The following DMD variants were observed in gnomAD, a reference collection of about 807,000 sequenced individuals.
DMD encodes mutant dystrophin.
In DMD, 63 loss-of-function variants were observed where a neutral mutation model predicts 330.1. That is an observed-to-expected ratio of 0.19 (90% CI 0.16 to 0.24). The LOEUF (loss-of-function observed/expected upper bound fraction) is 0.24. DMD is among the 10% of genes least tolerant of loss of function. The pLI, the probability that DMD is intolerant of heterozygous loss-of-function variation, is 1.00. For synonymous variants in DMD, 1,223 were observed against 959.8 expected (o/e 1.27, Z -5.07); for missense variants, 3,344 against 2,684.1 (o/e 1.25, Z -5.43).
intron 44 of DMD, among the ~76,000 whole-genome samples, chrX:31,972,392 A>AT (rs1441450973): frequency 2.7e-5 from 3 of 111,664 alleles, no homozygotes; most frequent in African/African-American, 9.7e-5. Flanking sequence ...CTATGAAAAC[A>AT]TTACGTACAT....
chrX:32,322,225 A>T (rs1158537615), intron 41 of DMD, among the ~76,000 whole-genome samples: 1 of 111,585 alleles, frequency 9.0e-6, no homozygotes, highest in African/African-American at 3.3e-5. Context: ...GAGCTAAAGA[A>T]GTTATTAATA....
intron 16 of DMD, among the ~76,000 whole-genome samples, chrX:32,546,359 G>A (rs1004645941): frequency 9.2e-6 from 1 of 109,165 alleles, no homozygotes; most frequent in Non-Finnish European, 1.9e-5. Context: ...CTGGTTACAA[G>A]CAAAGGAGCA....
At chrX:32,703,988 C>T (rs1241083006) in intron 7 of DMD, among the ~76,000 whole-genome samples, 1 of 111,449 alleles carries the variant, frequency 9.0e-6, no homozygotes, top group Non-Finnish European at 1.9e-5. Context: ...ATTGCTTATC[C>T]AATCTTTGAA....
chrX:32,288,849 T>G, intron 42 of DMD, among the ~76,000 whole-genome samples: 1 of 111,791 alleles, frequency 8.9e-6, no homozygotes, highest in Non-Finnish European at 1.9e-5. Flanking sequence ...CAGCTGTTTT[T>G]GAGTTTTTTC....
At chrX:32,305,211 G>C (rs2097536093) in intron 42 of DMD, among the ~76,000 whole-genome samples, 1 of 111,231 alleles carries the variant, frequency 9.0e-6, no homozygotes, top group Admixed American at 9.6e-5. Context: ...GCATAATTTT[G>C]CCTTCATTTA....
chrX:32,640,648 G>A (rs2059390033), intron 11 of DMD, among the ~76,000 whole-genome samples: 2 of 110,927 alleles, frequency 1.8e-5, no homozygotes, highest in Admixed American at 1.9e-4. Flanking sequence ...ACTAAACAGA[G>A]AAGTGGTTTT....
At chrX:31,721,668 ATCTCTCTCTCTCTCTCACTC>A (rs1343981178) in intron 52 of DMD, among the ~76,000 whole-genome samples, 3,611 of 31,746 alleles carry the variant, frequency 0.11, 94 homozygotes, top group Non-Finnish European at 0.13. Context: ...ATTATTACCA[ATCTCTCTCTCTCTCTCACTC>A]TCTCTCTCTC....
intron 44 of DMD, among the ~76,000 whole-genome samples, chrX:32,196,751 C>G (rs1292286774): frequency 9.1e-6 from 1 of 110,037 alleles, no homozygotes; most frequent in Non-Finnish European, 1.9e-5. Flanking sequence ...TTTGGGAGGC[C>G]AAGGTGGGCA....
intron 3 of DMD, among the ~76,000 whole-genome samples, chrX:32,845,602 CT>C (rs1471937776): frequency 2.7e-5 from 3 of 111,338 alleles, no homozygotes; most frequent in Non-Finnish European, 3.8e-5. Context: ...TTTTTTCATC[CT>C]TCCTTCATAC....
At chrX:31,212,783 G>T (rs1321822452) in intron 64 of DMD, among the ~76,000 whole-genome samples, 1 of 111,450 alleles carries the variant, frequency 9.0e-6, no homozygotes, top group Non-Finnish European at 1.9e-5. Context: ...GGTACATATT[G>T]TAAGGGGGAA....
chrX:31,372,050 A>G (rs1324419566), intron 60 of DMD, among the ~76,000 whole-genome samples: 1 of 111,924 alleles, frequency 8.9e-6, no homozygotes, highest in African/African-American at 3.2e-5. Flanking sequence ...GCAGAGTCTC[A>G]TCTGGCATAT....
At chrX:32,608,939 G>C (rs2056947986) in intron 12 of DMD, among the ~76,000 whole-genome samples, 1 of 110,745 alleles carries the variant, frequency 9.0e-6, no homozygotes, top group East Asian at 2.8e-4. Context: ...ATGAGAGTGA[G>C]TTTGCTAACC....
At position 33,104,674 on chromosome X, in the gene DMD, C is replaced by T. The variant is rs950256710; in HGVS notation, c.32-84474G>A. Among the ~76,000 whole-genome samples the T allele has an allele frequency of 4.5e-5, 5 of 112,112 alleles. No individual in the cohort carries two copies. The East Asian group carries it at 1.4e-3, about 32-fold the overall frequency. On this transcript the variant is annotated intron_variant, in intron 1 of 78. Transcript: ENST00000357033. ...AACAGCTTTATGGCTCACACAAAGC[C>T]TGTTTGGTGGTCTCTTCACACGGAC...
In DMD at chrX:31,120,861, G is replaced by C. The variant is rs1193614827; in HGVS notation, c.*1058C>G. The C allele has an allele frequency of 2.1e-5, 2 of 94,054 alleles. No individual in the cohort carries two copies. The highest frequency in any genetic ancestry group is 1.1e-4 in the African/African-American group (2 of 18,439). 7.8% of individuals were successfully genotyped at this position (94,054 alleles called of 1,213,427 possible). On this transcript the variant is annotated 3_prime_UTR_variant, in exon 79 of 79. Coordinates refer to ENST00000357033, the MANE Select transcript of DMD (RefSeq NM_004006.3). ...GTGGCATTGCTAGCAGCAGGAAGCT[G>C]AATGTATCAATCAATCAATCAATCA...
At chrX:32,463,259 A>AAT (rs1271038712) in intron 25 of DMD, among the ~76,000 whole-genome samples, 180 bp downstream of exon 25, 4 of 112,219 alleles carry the variant, frequency 3.6e-5, no homozygotes, top group South Asian at 7.2e-4. Context: ...TACTATTTAA[A>AAT]ATATATACCA....
intron 44 of DMD, among the ~76,000 whole-genome samples, chrX:32,088,398 G>T (rs6631487): frequency 0.22 from 23,305 of 108,121 alleles, 1,937 homozygotes; most frequent in Admixed American, 0.36. Flanking sequence ...ATCTCAGATA[G>T]TTTCTCAAAT....
intron 52 of DMD, among the ~76,000 whole-genome samples, chrX:31,687,895 A>G (rs918579306): frequency 9.0e-6 from 1 of 111,218 alleles, no homozygotes; most frequent in African/African-American, 3.3e-5. Context: ...GGTGTTCTAT[A>G]ACTTTGTCGT....
intron 44 of DMD, among the ~76,000 whole-genome samples, chrX:31,975,972 C>A (rs1256492162): frequency 9.0e-6 from 1 of 111,388 alleles, no homozygotes; most frequent in Non-Finnish European, 1.9e-5. Context: ...ATTTGCCATG[C>A]CTATATTTTC....
intron 44 of DMD, among the ~76,000 whole-genome samples, chrX:32,054,079 G>A (rs2096140677): frequency 1.3e-5 from 1 of 77,941 alleles, no homozygotes; most frequent in African/African-American, 6.2e-5. Context: ...GTATGTGTGT[G>A]TGTGTGTGTG....
Sources: gnomAD v4.1 joint callset for allele counts (sites outside exome capture counted in the v4.1 genomes callset) on GRCh38, gnomAD v4.1.1 for gene constraint, MANE v1.5 for transcripts, NCBI Gene and HGNC (gene_info 2026-07-23, HGNC 2026-07-21) for gene names.